MSR1: variants seen among roughly 807,000 people sequenced by gnomAD.
MSR1 encodes macrophage scavenger receptor 1.
MSR1 carries 53 observed loss-of-function variants against 47.2 expected under a neutral mutation model. The ratio of observed to expected loss-of-function variants is 1.12; its 90% CI spans 0.90 to 1.41. MSR1 has a LOEUF of 1.41. Among genes scored for constraint, MSR1 ranks in the 40% most tolerant of loss-of-function variants. The probability of loss-of-function intolerance (pLI) is 0.00; values close to 1 mark genes in which losing one functional copy is unlikely to be tolerated. For missense variants in MSR1, 786 were observed against 546.9 expected (o/e 1.44, Z -4.36); for synonymous variants, 239 against 185.6 (o/e 1.29, Z -2.34).
At position 16,109,975 on chromosome 8, in the gene MSR1, G is replaced by C. The variant is rs1053823189; in HGVS notation, c.*110C>G. 7.9e-7 allele frequency: 1 copy of C among 1,261,364 alleles called. No homozygotes were observed. The highest frequency in any genetic ancestry group is 1.5e-5 in the African/African-American group (1 of 67,034). 78.1% of individuals were successfully genotyped at this position (1,261,364 alleles called of 1,614,324 possible). A position where few individuals can be genotyped will look rare whatever the true frequency, so the allele number is the denominator to read the frequency against. On this transcript the variant is annotated 3_prime_UTR_variant, in exon 10 of 10. Transcript: ENST00000262101. ...AATCCTGTAATCTAAAATATTATTT[G>C]GGCAATATTCTTAATCTCTTAAATA...
chr8:16,144,455 C>T (rs1800645478), intron 7 of MSR1, among the ~76,000 whole-genome samples: 2 of 152,054 alleles, frequency 1.3e-5, no homozygotes, highest in South Asian at 2.1e-4. Context: ...AAGTCAAAAC[C>T]TTTGTTAATG....
At chr8:16,155,634 C>T (rs561730267) in intron 5 of MSR1, among the ~76,000 whole-genome samples, 3 of 152,048 alleles carry the variant, frequency 2.0e-5, no homozygotes, top group African/African-American at 4.8e-5. Flanking sequence ...TGACCATAAA[C>T]TCAGATATTT....
intron 4 of MSR1, among the ~76,000 whole-genome samples, chr8:16,168,164 A>T (rs1239765317): frequency 6.6e-6 from 1 of 152,348 alleles, no homozygotes; most frequent in Admixed American, 6.5e-5. Flanking sequence ...TAACCTAAAA[A>T]TTATGATTGG....
At chr8:16,131,756 T>C (rs1800265550) in intron 8 of MSR1, among the ~76,000 whole-genome samples, 1 of 152,070 alleles carries the variant, frequency 6.6e-6, no homozygotes, top group Non-Finnish European at 1.5e-5. Flanking sequence ...TCCTATTGCT[T>C]GTTTTTATCG....
intron 9 of MSR1, 71 bp downstream of exon 9, chr8:16,120,347 A>T: frequency 1.3e-6 from 2 of 1,538,734 alleles, no homozygotes; most frequent in South Asian, 1.1e-5. Flanking sequence ...ACTGCACTCC[A>T]GTCTGGGCGA....
At chr8:16,149,802 G>A (rs1386410990) in intron 7 of MSR1, among the ~76,000 whole-genome samples, 2 of 152,010 alleles carry the variant, frequency 1.3e-5, no homozygotes, top group Non-Finnish European at 2.9e-5. Flanking sequence ...GCCAGTTGTG[G>A]TTAAACGGGT....
chr8:16,150,359 C>G lies in MSR1; in HGVS notation c.899-48G>C, dbSNP rs748573419. 30 of 1,131,824 alleles carry G rather than the reference C, an allele frequency of 2.7e-5. No homozygotes were observed. In the Middle Eastern group the frequency reaches 1.1e-3, roughly 40 times the overall value. 70.1% of individuals were successfully genotyped at this position (1,131,824 alleles called of 1,614,324 possible). A position where few individuals can be genotyped will look rare whatever the true frequency, so the allele number is the denominator to read the frequency against. On this transcript the variant is annotated intron_variant, in intron 6 of 9. Transcript: ENST00000262101. ...AAGAAGGTAATAATTCATTTTCATA[C>G]AGACTTGAGAGTATAATGAAAACAT...
At chr8:16,168,427 G>T in intron 4 of MSR1, 31 bp downstream of exon 4, 5 of 1,612,398 alleles carry the variant, frequency 3.1e-6, no homozygotes, top group Non-Finnish European at 4.2e-6. Context: ...TTCAGTTCCA[G>T]CAAGTGACCT....
chr8:16,140,572 G>A (rs928531725), intron 8 of MSR1: 1 of 1,058,068 alleles, frequency 9.5e-7, no homozygotes, highest in Non-Finnish European at 1.1e-6. Context: ...ATATTGTATG[G>A]TAGGAATCGC....
rs4338104 is a variant in MSR1 at position 16,120,554 on chromosome 8, C to T, written c.1086G>A (p.Arg362=). 1,609,363 of 1,609,998 alleles carry T rather than the reference C, an allele frequency of 1. 804,369 individuals are homozygous for T. Among genetic ancestry groups the T allele is most frequent in the Middle Eastern group, 1 (6,058 of 6,058 alleles). The change falls in exon 9 of 10, where the codon AGG becomes AGA. Residue 362 remains arginine, a synonymous_variant. Coordinates refer to ENST00000262101, the MANE Select transcript of MSR1 (RefSeq NM_138715.3). ...LVGGSGPHEG[R]VEILHSGQWG... ...ACTGGCCGCTGTGGAGTATCTCCACCCTCCCCTCGTGAGGGCCGCTCCCAC... is the reference window on the plus strand; with the variant it reads ...ACTGGCCGCTGTGGAGTATCTCCACTCTCCCCTCGTGAGGGCCGCTCCCAC...
intron 8 of MSR1, among the ~76,000 whole-genome samples, chr8:16,130,607 G>C (rs1031770342): frequency 1.3e-5 from 2 of 152,032 alleles, no homozygotes; most frequent in Non-Finnish European, 2.9e-5. Flanking sequence ...TAGCAGCTGA[G>C]AGCTTTTCGA....
At chr8:16,163,749 T>C (rs1436295350) in intron 5 of MSR1, among the ~76,000 whole-genome samples, 37 of 151,808 alleles carry the variant, frequency 2.4e-4, no homozygotes, top group Admixed American at 2.4e-3. Flanking sequence ...CAAGCTTGGT[T>C]TGTGAACATG....
intron 9 of MSR1, among the ~76,000 whole-genome samples, chr8:16,113,069 C>A (rs1286922412): frequency 2.6e-5 from 4 of 151,256 alleles, no homozygotes; most frequent in Non-Finnish European, 5.9e-5. Flanking sequence ...CCTGCCTCAG[C>A]CTCCTGAGTA....
intron 1 of MSR1, among the ~76,000 whole-genome samples, chr8:16,181,132 A>G (rs1404519026): frequency 6.6e-6 from 1 of 152,204 alleles, no homozygotes; most frequent in Non-Finnish European, 1.5e-5. Context: ...AATTAAAAAA[A>G]ACTGACATGA....
Position 16,168,449 on chromosome 8 carries a change from A to G in MSR1, c.630+9T>C, listed in dbSNP as rs993158753. 4 of 1,613,996 alleles carry G rather than the reference A, an allele frequency of 2.5e-6. No individual in the cohort carries two copies. The highest frequency in any genetic ancestry group is 3.4e-6 in the Non-Finnish European group (4 of 1,179,948). On this transcript the variant is annotated intron_variant, in intron 4 of 9. Transcript: ENST00000262101. ...CCAGCAAGTGACCTTGCAGTCCACAAACTCTTACCTCTTGTTGTTTGAAGG... is the reference window on the plus strand; with the variant it reads ...CCAGCAAGTGACCTTGCAGTCCACAGACTCTTACCTCTTGTTGTTTGAAGG...
At chr8:16,158,912 GT>G (rs988264033) in intron 5 of MSR1, among the ~76,000 whole-genome samples, 1 of 130,828 alleles carries the variant, frequency 7.6e-6, no homozygotes, top group African/African-American at 2.8e-5. Flanking sequence ...TCACAATTCA[GT>G]TTTTTTCCTT....
At chr8:16,169,040 C>T (rs766614675) in intron 3 of MSR1, among the ~76,000 whole-genome samples, 170 bp from the exon 4 acceptor site, 70 of 152,150 alleles carry the variant, frequency 4.6e-4, no homozygotes, top group African/African-American at 9.6e-4. Context: ...AACTACGCTA[C>T]GTATATTGCT....
intron 7 of MSR1, among the ~76,000 whole-genome samples, chr8:16,149,644 G>A (rs376721175): frequency 6.6e-6 from 1 of 152,058 alleles, no homozygotes; most frequent in Non-Finnish European, 1.5e-5. Context: ...CAGAGCTGAT[G>A]GAAATAATAT....
At chr8:16,134,613 C>T (rs1318144586) in intron 8 of MSR1, among the ~76,000 whole-genome samples, 1 of 152,138 alleles carries the variant, frequency 6.6e-6, no homozygotes, top group Non-Finnish European at 1.5e-5. Context: ...GTAACCTTAA[C>T]AACGGCCTCT....
Sources: gnomAD v4.1 joint callset for allele counts (sites outside exome capture counted in the v4.1 genomes callset) on GRCh38, gnomAD v4.1.1 for gene constraint, MANE v1.5 for transcripts, NCBI Gene and HGNC (gene_info 2026-07-23, HGNC 2026-07-21) for gene names.